DTD1: variants seen among roughly 807,000 people sequenced by gnomAD.
The protein encoded by DTD1 is D-tyrosyl-tRNA deacylase 1 homolog.
Under a neutral mutation model 25.6 loss-of-function variants are expected in DTD1, and 13 were observed. The observed-to-expected ratio is 0.51, with a 90% confidence interval of 0.33 to 0.81. The LOEUF is 0.81. Ranked by LOEUF, DTD1 falls within the 30% of genes least tolerant of loss-of-function variation. The probability of loss-of-function intolerance (pLI) is 0.02; values close to 1 mark genes in which losing one functional copy is unlikely to be tolerated. For missense variants in DTD1, 193 were observed against 266.4 expected (o/e 0.72, Z 1.92); for synonymous variants, 110 against 103.6 (o/e 1.06, Z -0.37).
intron 4 of DTD1, among the ~76,000 whole-genome samples, chr20:18,712,558 C>T (rs2061163532): frequency 6.6e-6 from 1 of 152,060 alleles, no homozygotes; most frequent in Admixed American, 6.6e-5. Flanking sequence ...TGGACCTCGA[C>T]CCGAGATCCC....
At chr20:18,605,674 G>A in intron 3 of DTD1, among the ~76,000 whole-genome samples, 1 of 84,664 alleles carries the variant, frequency 1.2e-5, no homozygotes, top group African/African-American at 4.9e-5. Flanking sequence ...CAAGCAATGG[G>A]GAAAGGATTC....
At chr20:18,754,209 T>C (rs1320193831) in intron 5 of DTD1, among the ~76,000 whole-genome samples, 1 of 152,176 alleles carries the variant, frequency 6.6e-6, no homozygotes, top group Non-Finnish European at 1.5e-5. Flanking sequence ...AGGGTTTCAG[T>C]GTTTACGTGG....
At chr20:18,592,827 C>T (rs927902609) in intron 1 of DTD1, among the ~76,000 whole-genome samples, 4 of 151,900 alleles carry the variant, frequency 2.6e-5, no homozygotes, top group Admixed American at 6.6e-5. Context: ...GGATTACAGG[C>T]GCCCGCCACC....
intron 4 of DTD1, among the ~76,000 whole-genome samples, chr20:18,660,324 A>G (rs1230082473): frequency 1.3e-5 from 2 of 152,198 alleles, no homozygotes; most frequent in Admixed American, 1.3e-4. Context: ...GACTCAAGCA[A>G]TCCTCCCATC....
intron 4 of DTD1, among the ~76,000 whole-genome samples, chr20:18,679,551 G>A (rs968882726): frequency 6.6e-6 from 1 of 152,158 alleles, no homozygotes; most frequent in Admixed American, 6.5e-5. Flanking sequence ...GATTGTCAGG[G>A]GGAAGAATAA....
intron 4 of DTD1, among the ~76,000 whole-genome samples, chr20:18,667,910 A>T (rs1348755999): frequency 1.3e-5 from 2 of 152,134 alleles, no homozygotes; most frequent in Admixed American, 6.5e-5. Context: ...GTATCTACCT[A>T]CCTCAGGTGG....
intron 4 of DTD1, among the ~76,000 whole-genome samples, chr20:18,704,001 CT>C (rs201452682): frequency 2.6e-3 from 345 of 135,168 alleles, no homozygotes; most frequent in Middle Eastern, 7.9e-3. Flanking sequence ...TAGTTGGTAG[CT>C]TTTTTTTTTT....
At chr20:18,695,516 CTTCCT>C (rs2061071118) in intron 4 of DTD1, among the ~76,000 whole-genome samples, 1 of 74,442 alleles carries the variant, frequency 1.3e-5, no homozygotes, top group African/African-American at 5.3e-5. Context: ...CTTCCCTTCC[CTTCCT>C]TTCCCTTCCC....
chr20:18,728,280 G>A (rs1231347591), intron 4 of DTD1, among the ~76,000 whole-genome samples: 1 of 152,124 alleles, frequency 6.6e-6, no homozygotes, highest in Non-Finnish European at 1.5e-5. Flanking sequence ...CCCTGAGTTT[G>A]GCTTCTGGTC....
intron 4 of DTD1, among the ~76,000 whole-genome samples, chr20:18,669,164 G>A (rs893070351): frequency 5.9e-5 from 9 of 152,296 alleles, no homozygotes; most frequent in African/African-American, 1.7e-4. Context: ...GGACCAGGGG[G>A]TAGTGAGGTG....
At chr20:18,631,981 A>G (rs1474152823) in intron 4 of DTD1, 11 of 882,658 alleles carry the variant, frequency 1.2e-5, no homozygotes, top group Non-Finnish European at 1.5e-5. Context: ...AATGTACACC[A>G]TAAGGAGTGC....
intron 4 of DTD1, among the ~76,000 whole-genome samples, chr20:18,701,338 AG>A (rs971366859): frequency 6.6e-6 from 1 of 152,258 alleles, no homozygotes; most frequent in Admixed American, 6.5e-5. Context: ...CACCCCAATA[AG>A]GGGGGCATAT....
chr20:18,701,592 A>C (rs1568674288), intron 4 of DTD1, among the ~76,000 whole-genome samples: 1 of 152,186 alleles, frequency 6.6e-6, no homozygotes. Context: ...CTATTGCACT[A>C]TGTGAGCTGA....
intron 4 of DTD1, among the ~76,000 whole-genome samples, chr20:18,664,246 A>G (rs765141954): frequency 2.0e-5 from 3 of 152,168 alleles, no homozygotes; most frequent in Non-Finnish European, 2.9e-5. Flanking sequence ...CATGTTGTGT[A>G]TGTCCTTTTC....
At chr20:18,612,037 T>TG (rs2060688939) in intron 3 of DTD1, among the ~76,000 whole-genome samples, 1 of 144,878 alleles carries the variant, frequency 6.9e-6, no homozygotes, top group Non-Finnish European at 1.5e-5. Flanking sequence ...TTTTGTGTTT[T>TG]TTTTTTTTTT....
intron 4 of DTD1, among the ~76,000 whole-genome samples, chr20:18,701,772 T>C (rs1325196357): frequency 2.6e-5 from 4 of 152,230 alleles, no homozygotes; most frequent in Non-Finnish European, 5.9e-5. Context: ...CACATGAATG[T>C]TCTGTGTGCT....
intron 3 of DTD1, among the ~76,000 whole-genome samples, chr20:18,617,948 C>T (rs1479292496): frequency 6.6e-6 from 1 of 152,072 alleles, no homozygotes; most frequent in Non-Finnish European, 1.5e-5. Flanking sequence ...TGTTCTGTGG[C>T]AGGACCATAG....
intron 4 of DTD1, among the ~76,000 whole-genome samples, chr20:18,725,511 A>G (rs118099996): frequency 0.13 from 19,243 of 152,202 alleles, 1,555 homozygotes; most frequent in Non-Finnish European, 0.18. Context: ...ACTGGTTTAA[A>G]TAATTTGTTT....
At chr20:18,635,521 G>A (rs535834196) in intron 4 of DTD1, among the ~76,000 whole-genome samples, 1 of 152,308 alleles carries the variant, frequency 6.6e-6, no homozygotes, top group South Asian at 2.1e-4. Context: ...GGAGTGAGTT[G>A]GGTGTAGAGA....
Sources: allele counts gnomAD v4.1 joint callset (sites outside exome capture counted in the v4.1 genomes callset), GRCh38; gene constraint gnomAD v4.1.1; transcripts MANE v1.5; gene names NCBI Gene and HGNC (gene_info 2026-07-23, HGNC 2026-07-21).